The following AQP4 variants were observed in gnomAD, a reference collection of about 807,000 sequenced individuals.
AQP4 encodes aquaporin-4.
AQP4 carries 18 observed loss-of-function variants against 27.8 expected under a neutral mutation model. That is an observed-to-expected ratio of 0.65 (90% CI 0.45 to 0.96). The LOEUF (loss-of-function observed/expected upper bound fraction) is 0.96. Ranked by LOEUF, AQP4 falls within the 40% of genes least tolerant of loss-of-function variation. The probability of loss-of-function intolerance (pLI) is 0.00; values close to 1 mark genes in which losing one functional copy is unlikely to be tolerated. For missense variants in AQP4, 412 were observed against 408.2 expected, an observed-to-expected ratio of 1.01 and a Z score of -0.08; for synonymous variants, 141 against 142.9, an observed-to-expected ratio of 0.99 and a Z score of 0.10.
intron 1 of AQP4, among the ~76,000 whole-genome samples, chr18:26,864,930 C>G (rs1044803106): frequency 6.6e-6 from 1 of 152,128 alleles, no homozygotes; most frequent in Non-Finnish European, 1.5e-5. Flanking sequence ...GTTTACCTCT[C>G]CAGAGGTAGT....
At chr18:26,861,667 T>C (rs553651619) in intron 2 of AQP4, among the ~76,000 whole-genome samples, 1 of 152,336 alleles carries the variant, frequency 6.6e-6, no homozygotes, top group Admixed American at 6.5e-5. Flanking sequence ...TTAATTAATA[T>C]ATATTTCAAT....
rs1441776999 is a variant in AQP4 at position 26,852,762 on chromosome 18, G to C, written c.*3449C>G. 2 of 398,300 alleles carry C rather than the reference G, an allele frequency of 5.0e-6. No homozygotes were observed. The highest frequency in any genetic ancestry group is 8.9e-6 in the Non-Finnish European group (2 of 225,890). 24.7% of individuals were successfully genotyped at this position (398,300 alleles called of 1,614,324 possible). On this transcript the variant is annotated 3_prime_UTR_variant, in exon 5 of 5. Transcript: ENST00000383168. Reference sequence around the variant, plus strand: ...TTTAGGAAAGACAGAATTACTTTTAGGTATAAAATGTTCTGAATTTGCAAA... The same window carrying C: ...TTTAGGAAAGACAGAATTACTTTTACGTATAAAATGTTCTGAATTTGCAAA...
Position 26,855,829 on chromosome 18 carries a change from A to G in AQP4, c.*382T>C, listed in dbSNP as rs1467158942. 7.3e-6 allele frequency: 2 copies of G among 273,908 alleles called. No homozygotes were observed. The highest frequency in any genetic ancestry group is 7.1e-6 in the Non-Finnish European group (1 of 140,944). 17.0% of individuals were successfully genotyped at this position (273,908 alleles called of 1,614,324 possible). On this transcript the variant is annotated 3_prime_UTR_variant, in exon 5 of 5. Coordinates refer to ENST00000383168, the MANE Select transcript of AQP4 (RefSeq NM_001650.7). ...TCAGTTTAATAGAATAAATATTCAA[A>G]TAAGAATTGACTATACCAATATTCC... is the stretch of plus-strand genomic sequence containing the variant.
In AQP4 at chr18:26,852,941, CCTTCTAGGATTCAT is replaced by C; in HGVS notation, c.*3256_*3269del. 1 of 398,344 alleles carries C rather than the reference CCTTCTAGGATTCAT, an allele frequency of 2.5e-6. No homozygotes were observed. Among genetic ancestry groups the C allele is most frequent in the Non-Finnish European group, 4.4e-6 (1 of 225,918 alleles). 24.7% of individuals were successfully genotyped at this position (398,344 alleles called of 1,614,324 possible). On this transcript the variant is annotated 3_prime_UTR_variant, in exon 5 of 5. Transcript: ENST00000383168. The stretch of plus-strand genomic sequence containing the variant: ...GGTGTCAACATGCTGCAATCAGAGG[CCTTCTAGGATTCAT>C]CTTACCATTTGAATTTACTGCTCTA...
At position 26,861,120 on chromosome 18, in the gene AQP4, TG is replaced by T. The variant is rs773209109; in HGVS notation, c.612+10del. ...GTGGGATTGATTATTTAAATGGACT[TG>T]GAAACTTACTGCAAATAAATGTCCA... On this transcript the variant is annotated intron_variant, in intron 3 of 4. Transcript: ENST00000383168. 3.1e-6 allele frequency: 5 copies of T among 1,613,948 alleles called. No individual in the cohort carries two copies. The highest frequency in any genetic ancestry group is 3.3e-5 in the Admixed American group (2 of 60,014).
In AQP4 at chr18:26,855,365, G is replaced by A. The variant is rs1429444907; in HGVS notation, c.*846C>T. ...TAAAAGCTTAGATCGTAAAACTGGT[G>A]TGGTGCATTTGAGGGTGTGCACTGA... On this transcript the variant is annotated 3_prime_UTR_variant, in exon 5 of 5. Coordinates refer to ENST00000383168, the MANE Select transcript of AQP4 (RefSeq NM_001650.7). 2 of 152,210 alleles carry A rather than the reference G, an allele frequency of 1.3e-5. No homozygotes were observed. Among genetic ancestry groups the A allele is most frequent in the African/African-American group, 2.4e-5 (1 of 41,460 alleles). The allele number at this position is 152,210 out of a possible 1,614,324, so 9.4% of individuals were successfully genotyped here.
At chr18:26,865,523 A>C in intron 1 of AQP4, 135 bp downstream of exon 1, 1 of 1,095,450 alleles carries the variant, frequency 9.1e-7, no homozygotes, top group Non-Finnish European at 1.4e-6. Flanking sequence ...CAGTACTCAG[A>C]TCTAAAAGAA....
In AQP4 at chr18:26,862,569, C is replaced by A. The variant is rs747267333; in HGVS notation, c.60G>T (p.Glu20Asp). The A allele has an allele frequency of 6.8e-6, 11 of 1,614,044 alleles. No homozygotes were observed. The highest frequency in any genetic ancestry group is 8.5e-6 in the Non-Finnish European group (10 of 1,180,026). ...CCCCTTTGAAAGCCACCATGATGTTCTCTCTGGTACACAAAGGTCCACACT... is the reference window on the plus strand; with the variant it reads ...CCCCTTTGAAAGCCACCATGATGTTATCTCTGGTACACAAAGGTCCACACT... ...WGKCGPLCTR[E>D]NIMVAFKGVW... Residue 20 changes from glutamate to aspartate, a missense_variant, in exon 2 of 5, where the codon GAG becomes GAT. Transcript: ENST00000383168.
At chr18:26,860,072 T>G (rs1391741622) in intron 4 of AQP4, among the ~76,000 whole-genome samples, 2 of 152,180 alleles carry the variant, frequency 1.3e-5, no homozygotes, top group African/African-American at 4.8e-5. Flanking sequence ...TTATAATATT[T>G]TAAAATGGAC....
chr18:26,856,182 T>C lies in AQP4; in HGVS notation c.*29A>G, dbSNP rs920265004. 6.2e-7 allele frequency: 1 copy of C among 1,613,400 alleles called. No homozygotes were observed. The highest frequency in any genetic ancestry group is 8.5e-7 in the Non-Finnish European group (1 of 1,179,456). On this transcript the variant is annotated 3_prime_UTR_variant, in exon 5 of 5. Coordinates refer to ENST00000383168, the MANE Select transcript of AQP4 (RefSeq NM_001650.7). The stretch of plus-strand genomic sequence containing the variant: ...GAAATCTGAGGACAGTTCTAAGGAG[T>C]CTTGTCTGCTTTCAGTGCGATCTTC...
chr18:26,853,960 A>C lies in AQP4; in HGVS notation c.*2251T>G, dbSNP rs763900255. On this transcript the variant is annotated 3_prime_UTR_variant, in exon 5 of 5. Transcript: ENST00000383168. Reference sequence around the variant, plus strand: ...CATACTTCCTATTAAATATTGAGCAAAATAAAGATTAAAAGAAAATTATTT... The same window carrying C: ...CATACTTCCTATTAAATATTGAGCACAATAAAGATTAAAAGAAAATTATTT... 4 of 152,184 alleles carry C rather than the reference A, an allele frequency of 2.6e-5. No individual in the cohort carries two copies. The highest frequency in any genetic ancestry group is 5.9e-5 in the Non-Finnish European group (4 of 68,042). The allele number at this position is 152,184 out of a possible 1,614,324, so 9.4% of individuals were successfully genotyped here.
chr18:26,865,617 T>C, intron 1 of AQP4, 41 bp downstream of exon 1: 2 of 1,613,874 alleles, frequency 1.2e-6, no homozygotes, highest in African/African-American at 1.3e-5. Context: ...TTTCATCTTT[T>C]GGCCCTAAGC....
chr18:26,865,621 C>G (rs762637886), intron 1 of AQP4, 37 bp downstream of exon 1: 3 of 1,613,884 alleles, frequency 1.9e-6, no homozygotes, highest in Non-Finnish European at 1.7e-6. Context: ...ATCTTTTGGC[C>G]CTAAGCGTTG....
In AQP4 at chr18:26,860,764, A is replaced by G; in HGVS notation, c.693+8T>C. The G allele has an allele frequency of 6.2e-7, 1 of 1,610,176 alleles. No homozygotes were observed. Among genetic ancestry groups the G allele is most frequent in the Non-Finnish European group, 8.5e-7 (1 of 1,176,396 alleles). On this transcript the variant is annotated splice_region_variant and intron_variant, in intron 4 of 4. Transcript: ENST00000383168. ...TAGGAAGATGGGAACTATCAATATG[A>G]GGGTTACCCAATGGTTTTCCCAATT...
At chr18:26,856,522 G>A in intron 4 of AQP4, 33 bp from the exon 5 acceptor site, 3 of 1,609,320 alleles carry the variant, frequency 1.9e-6, no homozygotes, top group Non-Finnish European at 2.6e-6. Flanking sequence ...TAGAGTGTAA[G>A]TAGAGAAAAG....
intron 4 of AQP4, 96 bp downstream of exon 4, chr18:26,860,676 A>C: frequency 1.6e-5 from 17 of 1,096,086 alleles, no homozygotes; most frequent in Non-Finnish European, 2.1e-5. Context: ...GAGAAATGCA[A>C]GAGAAAGTAG....
In AQP4 at chr18:26,852,409, A is replaced by G. The variant is rs1007276272; in HGVS notation, c.*3802T>C. 1.3e-5 allele frequency: 2 copies of G among 156,764 alleles called. No individual in the cohort carries two copies. Among genetic ancestry groups the G allele is most frequent in the Admixed American group, 1.3e-4 (2 of 15,384 alleles). The allele number at this position is 156,764 out of a possible 1,614,324, so 9.7% of individuals were successfully genotyped here. A position where few individuals can be genotyped will look rare whatever the true frequency, so the allele number is the denominator to read the frequency against. On this transcript the variant is annotated 3_prime_UTR_variant, in exon 5 of 5. Coordinates refer to ENST00000383168, the MANE Select transcript of AQP4 (RefSeq NM_001650.7). ...CCAATGGGTTACATAAATTAGACGT[A>G]TTTTTTAGCTCTTCGATTTTTTTTA...
rs908432662 is a variant in AQP4 at position 26,860,335 on chromosome 18, C to T, written c.693+437G>A. ...GGGTAAATATCTTTGCTATGGGCAG[C>T]GCTTTTAAGTATTTCATTCTTTCTC... On this transcript the variant is annotated intron_variant, in intron 4 of 4. Coordinates refer to ENST00000383168, the MANE Select transcript of AQP4 (RefSeq NM_001650.7). Among the ~76,000 whole-genome samples, 8 of 152,150 alleles carry T rather than the reference C, an allele frequency of 5.3e-5. No individual in the cohort carries two copies. In the East Asian group the frequency reaches 7.7e-4, roughly 15 times the overall value.
chr18:26,865,279 G>T (rs548455316), intron 1 of AQP4: 18 of 348,160 alleles, frequency 5.2e-5, no homozygotes, highest in African/African-American at 3.6e-4. Flanking sequence ...AACAAAGCGG[G>T]TTTGTTGATG....
Sources: gnomAD v4.1 joint callset for allele counts (sites outside exome capture counted in the v4.1 genomes callset) on GRCh38, gnomAD v4.1.1 for gene constraint, MANE v1.5 for transcripts, NCBI Gene and HGNC (gene_info 2026-07-23, HGNC 2026-07-21) for gene names.